The following DGKK variants were observed in gnomAD, a reference collection of about 807,000 sequenced individuals.
DGKK encodes the protein diacylglycerol kinase kappa, also known as 142 kDa diacylglycerol kinase.
DGKK carries 35 observed loss-of-function variants against 92.2 expected under a neutral mutation model. The ratio of observed to expected loss-of-function variants is 0.38; its 90% CI spans 0.29 to 0.50. The LOEUF (loss-of-function observed/expected upper bound fraction) is 0.50. Ranked by LOEUF, DGKK falls within the 20% of genes least tolerant of loss-of-function variation. The probability of loss-of-function intolerance (pLI) is 0.92; values close to 1 mark genes in which losing one functional copy is unlikely to be tolerated. For missense variants in DGKK, 910 were observed against 992.2 expected (o/e 0.92, Z 1.11); for synonymous variants, 368 against 360.6 (o/e 1.02, Z -0.23).
chrX:50,440,979 C>T (rs927059558), intron 1 of DGKK, among the ~76,000 whole-genome samples: 1 of 111,548 alleles, frequency 9.0e-6, no homozygotes, highest in Non-Finnish European at 1.9e-5. Context: ...ACCCATTTGC[C>T]TTCAATCCTC....
rs2073796785 is a variant in DGKK, at chrX:50,470,212, T to C, written c.467A>G (p.Glu156Gly). 4.1e-6 allele frequency: 5 copies of C among 1,210,178 alleles called. No homozygotes were observed. Among genetic ancestry groups the C allele is most frequent in the Non-Finnish European group, 5.6e-6 (5 of 895,102 alleles). Reference protein sequence around the residue: ...APELAPEPTPEPVTELAPEFC... With the variant: ...APELAPEPTPGPVTELAPEFC... ...CTCTGGGGCCAGCTCTGTCACAGGT[T>C]CTGGGGTCGGCTCTGGGGCCAGCTC... Residue 156 changes from glutamate (E) to glycine (G), a missense_variant, in exon 1 of 28, where the codon GAA becomes GGA. Physicochemically the swap from Glu to Gly is moderately conservative, Grantham distance 98. Transcript: ENST00000611977.
rs188669823 is a variant in DGKK, at chrX:50,470,362, G to T, written c.317C>A (p.Ala106Asp). The T allele has an allele frequency of 1.7e-6, 2 of 1,208,262 alleles. No homozygotes were observed. The highest frequency in any genetic ancestry group is 2.2e-6 in the Non-Finnish European group (2 of 894,488). The stretch of plus-strand genomic sequence containing the variant: ...GGCCGGTTCTGGGGCCGGCTCTGTG[G>T]CAGGTTCTGGGGCCGGCTCTGTGGC... Reference protein sequence around the residue: ...EPATEPAPEPATEPAPEPAPE... With the variant: ...EPATEPAPEPDTEPAPEPAPE... The change falls in exon 1 of 28, where the codon GCC (alanine) becomes GAC (aspartate). Residue 106 changes from alanine to aspartate, a missense_variant. Ala to Asp is a moderately radical substitution (Grantham distance 126). Transcript: ENST00000611977.
chrX:50,390,819 C>G (rs1557225452), intron 11 of DGKK, among the ~76,000 whole-genome samples: 1 of 111,989 alleles, frequency 8.9e-6, no homozygotes, highest in African/African-American at 3.2e-5. Context: ...AAATCAAATG[C>G]TCCTATATAC....
chrX:50,436,578 T>C lies in DGKK; in HGVS notation c.646-12220A>G, dbSNP rs782425983. On this transcript the variant is annotated intron_variant, in intron 1 of 27. Transcript: ENST00000611977. ...ATCACAGCTTGTTGGTTCAGTTTTG[T>C]TTTTGTTTTTAATTTTAAATGCTAA... Among the ~76,000 whole-genome samples, 5 of 112,245 alleles carry C rather than the reference T, an allele frequency of 4.5e-5. No homozygotes were observed. In the East Asian group the frequency reaches 1.4e-3, roughly 32 times the overall value.
chrX:50,464,139 CG>C (rs1437505910), intron 1 of DGKK, among the ~76,000 whole-genome samples: 5 of 86,750 alleles, frequency 5.8e-5, no homozygotes, highest in African/African-American at 8.8e-5. Flanking sequence ...TTAAAAAAAT[CG>C]GTTTTTTTTT....
chrX:50,411,807 T>G (rs1378611192), intron 4 of DGKK, among the ~76,000 whole-genome samples: 1 of 111,456 alleles, frequency 9.0e-6, no homozygotes, highest in East Asian at 2.8e-4. Flanking sequence ...TGACATGACC[T>G]TATATATTTA....
chrX:50,397,442 G>C (rs782369247), intron 8 of DGKK, among the ~76,000 whole-genome samples: 17 of 112,151 alleles, frequency 1.5e-4, no homozygotes, highest in Non-Finnish European at 3.0e-4. Context: ...ACAAATGCCA[G>C]ATTAACCACA....
rs1557234373 is a variant in DGKK at position 50,470,180 on chromosome X, G to A, written c.499C>T (p.Pro167Ser). Residue 167 changes from proline (P) to serine (S), a missense_variant, in exon 1 of 28, where the codon CCT (proline) becomes TCT (serine). Transcript: ENST00000611977. The stretch of plus-strand genomic sequence containing the variant: ...GGACGGAACTCTGGAGCCGCCTCAG[G>A]GCAGAACTCTGGGGCCAGCTCTGTC... ...PVTELAPEFC[P>S]EAAPEFRPSP... The A allele has an allele frequency of 8.2e-7, 1 of 1,212,136 alleles. No homozygotes were observed. Among genetic ancestry groups the A allele is most frequent in the Non-Finnish European group, 1.1e-6 (1 of 895,509 alleles).
chrX:50,457,161 G>A (rs1428272556), intron 1 of DGKK, among the ~76,000 whole-genome samples: 1 of 111,450 alleles, frequency 9.0e-6, no homozygotes, highest in Admixed American at 9.5e-5. Flanking sequence ...TCACAGACAC[G>A]AACATTAGCA....
intron 4 of DGKK, among the ~76,000 whole-genome samples, chrX:50,405,882 T>G (rs1925140034): frequency 8.9e-6 from 1 of 111,870 alleles, no homozygotes; most frequent in Admixed American, 9.4e-5. Flanking sequence ...CTTTGGCACT[T>G]TGAGCTCCTA....
chrX:50,366,279 G>C lies in DGKK; in HGVS notation c.*2661C>G, dbSNP rs1923972468. 8.9e-6 allele frequency: 1 copy of C among 112,082 alleles called. No homozygotes were observed. Among genetic ancestry groups the C allele is most frequent in the Non-Finnish European group, 1.9e-5 (1 of 53,247 alleles). 9.2% of individuals were successfully genotyped at this position (112,082 alleles called of 1,213,427 possible). A position where few individuals can be genotyped will look rare whatever the true frequency, so the allele number is the denominator to read the frequency against. Reference sequence around the variant, plus strand: ...ATATGCAAGAACAGGTGCTTGGCAAGCTATCTTCCTTTTTGGGAAACTACT... The same window carrying C: ...ATATGCAAGAACAGGTGCTTGGCAACCTATCTTCCTTTTTGGGAAACTACT... On this transcript the variant is annotated 3_prime_UTR_variant, in exon 28 of 28. Transcript: ENST00000611977.
At chrX:50,391,618 T>C in intron 10 of DGKK, 42 bp from the exon 11 acceptor site, 1 of 1,199,869 alleles carries the variant, frequency 8.3e-7, no homozygotes, top group Non-Finnish European at 1.1e-6. Flanking sequence ...ACAGTCTTTC[T>C]ACCAAGCTTC....
intron 25 of DGKK, among the ~76,000 whole-genome samples, chrX:50,373,308 T>A (rs1176497251): frequency 1.8e-5 from 2 of 112,124 alleles, no homozygotes; most frequent in African/African-American, 6.5e-5. Context: ...AGATACATGG[T>A]CATTCTTAGC....
intron 1 of DGKK, among the ~76,000 whole-genome samples, chrX:50,431,230 A>G (rs1925877609): frequency 9.0e-6 from 1 of 110,872 alleles, no homozygotes; most frequent in Non-Finnish European, 1.9e-5. Flanking sequence ...CAGTCTCGCT[A>G]TGTTGCCCAG....
intron 1 of DGKK, among the ~76,000 whole-genome samples, chrX:50,430,241 C>T (rs1229379879): frequency 8.9e-6 from 1 of 111,945 alleles, no homozygotes; most frequent in Non-Finnish European, 1.9e-5. Context: ...ACATGTAGTC[C>T]TCCTGGTCCA....
At chrX:50,390,251 G>T in intron 12 of DGKK, 77 bp downstream of exon 12, 1 of 963,821 alleles carries the variant, frequency 1.0e-6, no homozygotes, top group Non-Finnish European at 1.5e-6. Flanking sequence ...CAATGCAAAA[G>T]CTTCTCTCTG....
chrX:50,402,942 A>T (rs1006809741), intron 7 of DGKK, 119 bp downstream of exon 7: 4 of 961,243 alleles, frequency 4.2e-6, no homozygotes, highest in Non-Finnish European at 5.5e-6. Context: ...GAATCTGTTT[A>T]ACCTGTTTTG....
intron 1 of DGKK, among the ~76,000 whole-genome samples, chrX:50,449,936 G>A (rs1926457809): frequency 1.8e-5 from 2 of 110,035 alleles, no homozygotes; most frequent in Admixed American, 9.6e-5. Context: ...TCTGCGAGAT[G>A]GACTTGAGAA....
intron 1 of DGKK, among the ~76,000 whole-genome samples, chrX:50,431,800 C>T (rs1925895740): frequency 8.9e-6 from 1 of 112,015 alleles, no homozygotes. Context: ...GAAAGCTTTA[C>T]ATTCCCCAGG....
Sources: allele counts gnomAD v4.1 joint callset (sites outside exome capture counted in the v4.1 genomes callset), GRCh38; gene constraint gnomAD v4.1.1; transcripts MANE v1.5; gene names NCBI Gene and HGNC (gene_info 2026-07-23, HGNC 2026-07-21).